Variants in SMIM40 observed in about 807,000 individuals in gnomAD.
SMIM40 encodes small integral membrane protein 40.
intron 1 of SMIM40, among the ~76,000 whole-genome samples, chr6:33,325,095 G>T (rs1318165091): frequency 6.6e-6 from 1 of 151,306 alleles, no homozygotes; most frequent in Non-Finnish European, 1.5e-5. Context: ...GGCTGGGCGC[G>T]GTGGCTCATG....
intron 1 of SMIM40, among the ~76,000 whole-genome samples, chr6:33,327,204 G>A (rs1372044568): frequency 3.4e-5 from 5 of 147,752 alleles, no homozygotes; most frequent in Non-Finnish European, 7.4e-5. Flanking sequence ...GGCAGATCAC[G>A]AAGTCTAGGA....
At chr6:33,324,513 C>A (rs1053772364) in intron 1 of SMIM40, among the ~76,000 whole-genome samples, 1 of 132,548 alleles carries the variant, frequency 7.5e-6, no homozygotes, top group Admixed American at 7.5e-5. Flanking sequence ...TACCCTGTTT[C>A]TTTCACCAAG....
chr6:33,326,819 G>A (rs1366000631), intron 1 of SMIM40, among the ~76,000 whole-genome samples: 1 of 145,144 alleles, frequency 6.9e-6, no homozygotes, highest in Non-Finnish European at 1.5e-5. Flanking sequence ...GCAAGACTCT[G>A]TCTCAAAAAA....
chr6:33,325,503 C>G (rs1238801106), intron 1 of SMIM40, among the ~76,000 whole-genome samples: 1 of 149,126 alleles, frequency 6.7e-6, no homozygotes, highest in Admixed American at 6.6e-5. Context: ...ACCGCCACTC[C>G]CAGACTACTA....
At position 33,327,337 on chromosome 6, in the gene SMIM40, G is replaced by A. The variant is rs547734658; in HGVS notation, c.*39+1650C>T. 1.4e-4 allele frequency among the ~76,000 whole-genome samples: 20 copies of A among 147,944 alleles called. 1 individual carries two copies. Among genetic ancestry groups the A allele is most frequent in the African/African-American group, 4.5e-4 (17 of 37,462 alleles). On this transcript the variant is annotated intron_variant, in intron 1 of 2. Transcript: ENST00000494082. ...CTTGGGAAGCTGAGGCAGAAGAATC[G>A]CTTGAACCCAGGAGGCGGAGATTTC...
intron 1 of SMIM40, among the ~76,000 whole-genome samples, chr6:33,326,441 G>T (rs1371126188): frequency 6.7e-6 from 1 of 148,208 alleles, no homozygotes; most frequent in East Asian, 1.9e-4. Flanking sequence ...CTCCCAAAGT[G>T]CTGGGATTAC....
intron 1 of SMIM40, among the ~76,000 whole-genome samples, chr6:33,326,345 A>ATTT (rs9282495): frequency 7.2e-6 from 1 of 138,330 alleles, no homozygotes; most frequent in Non-Finnish European, 1.5e-5. Flanking sequence ...TATTTTTTGT[A>ATTT]TTTTTTTTTT....
In SMIM40 at chr6:33,323,824, G is replaced by C. The variant is rs990470537; in HGVS notation, c.*140C>G. 2 of 152,478 alleles carry C rather than the reference G, an allele frequency of 1.3e-5. No individual in the cohort carries two copies. The highest frequency in any genetic ancestry group is 4.8e-5 in the African/African-American group (2 of 41,446). The allele number at this position is 152,478 out of a possible 1,614,324, so 9.4% of individuals were successfully genotyped here. ...TGCGGATGGGCGATGATGGGGTGGGGCTTGGAGGAGAGTTTGTGCAAATTG... is the reference window on the plus strand; with the variant it reads ...TGCGGATGGGCGATGATGGGGTGGGCCTTGGAGGAGAGTTTGTGCAAATTG... On this transcript the variant is annotated 3_prime_UTR_variant, in exon 3 of 3. Transcript: ENST00000494082.
Position 33,327,016 on chromosome 6 carries a change from T to C in SMIM40, c.*39+1971A>G, listed in dbSNP as rs1031815153. Among the ~76,000 whole-genome samples, 9 of 148,484 alleles carry C rather than the reference T, an allele frequency of 6.1e-5. No individual in the cohort carries two copies. In the South Asian group the frequency reaches 8.4e-4, roughly 14 times the overall value. On this transcript the variant is annotated intron_variant, in intron 1 of 2. Coordinates refer to ENST00000494082, the MANE Select transcript of SMIM40 (RefSeq NM_001369203.1). ...GCGGGCGCCTGTAGTCCCAGCTATT[T>C]GGGAGGCTGAGGCAGGAGAATCGCT... is the stretch of plus-strand genomic sequence containing the variant.
intron 1 of SMIM40, among the ~76,000 whole-genome samples, chr6:33,327,717 G>A (rs1771291208): frequency 6.6e-6 from 1 of 151,864 alleles, no homozygotes; most frequent in Admixed American, 6.6e-5. Context: ...AAAATTAGCT[G>A]GGCACGGTGG....
chr6:33,327,861 C>CAAAAA (rs375476107), intron 1 of SMIM40, among the ~76,000 whole-genome samples: 8,369 of 68,768 alleles, frequency 0.12, 598 homozygotes, highest in South Asian at 0.18. Context: ...GACTCTGTCA[C>CAAAAA]AAAAAAAAAA....
chr6:33,327,667 C>A (rs1189088136), intron 1 of SMIM40, among the ~76,000 whole-genome samples: 1 of 151,820 alleles, frequency 6.6e-6, no homozygotes, highest in Non-Finnish European at 1.5e-5. Flanking sequence ...CCAGACCAGC[C>A]TTGCCAACAT....
chr6:33,325,356 CTCTG>C (rs1562741667), intron 1 of SMIM40, among the ~76,000 whole-genome samples: 1 of 110,684 alleles, frequency 9.0e-6, no homozygotes, highest in East Asian at 2.4e-4. Flanking sequence ...CAGAGCAAGA[CTCTG>C]TCTCAAAAAA....
intron 1 of SMIM40, among the ~76,000 whole-genome samples, chr6:33,324,882 C>CAAAAAAAAAAAAAAA (rs376451265): frequency 4.2e-5 from 2 of 47,238 alleles, no homozygotes; most frequent in Non-Finnish European, 7.4e-5. Context: ...GAGATTATCT[C>CAAAAAAAAAAAAAAA]AAAAAAAAAA....
At chr6:33,325,096 G>T (rs1215945918) in intron 1 of SMIM40, among the ~76,000 whole-genome samples, 19 of 151,294 alleles carry the variant, frequency 1.3e-4, no homozygotes. Flanking sequence ...GCTGGGCGCG[G>T]TGGCTCATGC....
intron 1 of SMIM40, among the ~76,000 whole-genome samples, chr6:33,324,578 C>CT (rs530496904): frequency 0.11 from 5,900 of 56,148 alleles, 564 homozygotes; most frequent in African/African-American, 0.28. Flanking sequence ...TTTCTTTTGT[C>CT]TTTTTTTTTT....
Position 33,324,882 on chromosome 6 carries a change from CAAAAAAAAAAAAAAAAA to C in SMIM40, c.*40-869_*40-853del, listed in dbSNP as rs376451265. On this transcript the variant is annotated intron_variant, in intron 1 of 2. Transcript: ENST00000494082. The stretch of plus-strand genomic sequence containing the variant: ...CCTGGGCGACAGAGCGAGATTATCT[CAAAAAAAAAAAAAAAAA>C]AAAAAAAAAAAAAGGAAAAAAAAAG... Among the ~76,000 whole-genome samples, 44 of 47,240 alleles carry C rather than the reference CAAAAAAAAAAAAAAAAA, an allele frequency of 9.3e-4. 1 individual carries two copies. In the Admixed American group the frequency reaches 9.8e-3, roughly 11 times the overall value. The allele number at this position is 47,240 out of a possible 152,430, so 31.0% of individuals were successfully genotyped here.
chr6:33,326,096 G>A (rs1261283625), intron 1 of SMIM40, among the ~76,000 whole-genome samples: 2 of 148,812 alleles, frequency 1.3e-5, no homozygotes, highest in Non-Finnish European at 2.9e-5. Context: ...AGTAGTAGGA[G>A]CTCAAGGAAA....
chr6:33,328,314 A>G (rs1394801516), intron 1 of SMIM40, among the ~76,000 whole-genome samples: 1 of 150,696 alleles, frequency 6.6e-6, no homozygotes, highest in African/African-American at 2.4e-5. Flanking sequence ...GCCTCTGAGT[A>G]GCTGAGGCAG....
Sources: gnomAD v4.1 joint callset for allele counts (sites outside exome capture counted in the v4.1 genomes callset) on GRCh38, gnomAD v4.1.1 for gene constraint, MANE v1.5 for transcripts, NCBI Gene and HGNC (gene_info 2026-07-23, HGNC 2026-07-21) for gene names.